The following APOOL variants were observed in gnomAD, a reference collection of about 807,000 sequenced individuals.
APOOL encodes the protein apolipoprotein O like, also known as MICOS complex subunit MIC27.
A neutral mutation model predicts 23.1 loss-of-function variants in APOOL; 12 were observed. The observed-to-expected ratio is 0.52, with a 90% confidence interval of 0.33 to 0.84. APOOL has a LOEUF of 0.84. Among genes scored for constraint, APOOL ranks in the 40% least tolerant of loss-of-function variants. The pLI, the probability that APOOL is intolerant of heterozygous loss-of-function variation, is 0.02. For missense variants in APOOL, 212 were observed against 199.6 expected (o/e 1.06, Z -0.37); for synonymous variants, 77 against 69.9 (o/e 1.10, Z -0.51).
chrX:85,079,362 C>T (rs1261224956), intron 8 of APOOL, among the ~76,000 whole-genome samples: 3 of 111,645 alleles, frequency 2.7e-5, no homozygotes, highest in Admixed American at 1.9e-4. Context: ...TGGTTTTTGT[C>T]GTTGGTTCTG....
At chrX:85,019,701 C>T (rs933394838) in intron 1 of APOOL, among the ~76,000 whole-genome samples, 1 of 111,508 alleles carries the variant, frequency 9.0e-6, no homozygotes, top group Non-Finnish European at 1.9e-5. Context: ...AAGACATGGT[C>T]TTGTGCAGAT....
intron 1 of APOOL, among the ~76,000 whole-genome samples, chrX:85,031,386 G>A (rs1346017914): frequency 9.0e-6 from 1 of 111,114 alleles, no homozygotes; most frequent in Non-Finnish European, 1.9e-5. Context: ...TTGGATATGA[G>A]AGGTCTAAGA....
At chrX:85,065,063 T>C (rs1172903251) in intron 5 of APOOL, among the ~76,000 whole-genome samples, 4 of 111,947 alleles carry the variant, frequency 3.6e-5, no homozygotes, top group African/African-American at 1.3e-4. Context: ...TGGGTGTTCC[T>C]GTATTGAGTA....
rs776446086 is a variant in APOOL, at chrX:85,088,222, A to G, written c.*544A>G. ...TACATATATATGTATAAATACATACATATTTATACATATAAACATATATTT... is the reference window on the plus strand; with the variant it reads ...TACATATATATGTATAAATACATACGTATTTATACATATAAACATATATTT... On this transcript the variant is annotated 3_prime_UTR_variant, in exon 9 of 9. Transcript: ENST00000373173. 7.9e-3 allele frequency: 717 copies of G among 90,198 alleles called. 45 individuals carry two copies. The highest frequency in any genetic ancestry group is 0.028 in the African/African-American group (668 of 24,228). 7.4% of individuals were successfully genotyped at this position (90,198 alleles called of 1,213,427 possible).
At chrX:85,015,542 ATATT>A (rs150837249) in intron 1 of APOOL, among the ~76,000 whole-genome samples, 7,045 of 98,912 alleles carry the variant, frequency 0.071, 540 homozygotes, top group African/African-American at 0.19. Flanking sequence ...TCGGACTTTA[ATATT>A]TATTTATTTA....
intron 1 of APOOL, among the ~76,000 whole-genome samples, chrX:85,008,250 C>T (rs1921144302): frequency 9.0e-6 from 1 of 111,394 alleles, no homozygotes; most frequent in East Asian, 2.8e-4. Flanking sequence ...TATCACTTCA[C>T]CATGCTGTGT....
chrX:85,092,661 G>A lies in APOOL; in HGVS notation c.*4983G>A. The A allele has an allele frequency of 3.9e-6, 3 of 763,001 alleles. No homozygotes were observed. In the South Asian group the frequency reaches 1.1e-4, roughly 27 times the overall value. The allele number at this position is 763,001 out of a possible 1,213,427, so 62.9% of individuals were successfully genotyped here. On this transcript the variant is annotated 3_prime_UTR_variant, in exon 9 of 9. Transcript: ENST00000373173. The stretch of plus-strand genomic sequence containing the variant: ...AGGTCTACTCTATGCAAGACACTAT[G>A]TGTGAATAATACTTCCAAATATAGT...
intron 8 of APOOL, among the ~76,000 whole-genome samples, chrX:85,080,717 T>A (rs1401330729): frequency 3.6e-5 from 4 of 111,382 alleles, no homozygotes; most frequent in Admixed American, 9.6e-5. Flanking sequence ...TATTATTGTG[T>A]GGGAGTCTAA....
At position 85,088,316 on chromosome X, in the gene APOOL, GTTTTTTTTTTTT is replaced by G. The variant is rs766497759; in HGVS notation, c.*656_*667del. On this transcript the variant is annotated 3_prime_UTR_variant, in exon 9 of 9. Transcript: ENST00000373173. ...TGTATGGAAAGGTGTGTTTCCCTCT[GTTTTTTTTTTTT>G]TTTTTTTTTTTTTTTTTCCCATTTC... 351 of 22,530 alleles carry G rather than the reference GTTTTTTTTTTTT, an allele frequency of 0.016. 12 individuals are homozygous for G. The highest frequency in any genetic ancestry group is 0.052 in the African/African-American group (335 of 6,406). 1.9% of individuals were successfully genotyped at this position (22,530 alleles called of 1,213,427 possible).
intron 6 of APOOL, among the ~76,000 whole-genome samples, chrX:85,073,010 G>A (rs889369736): frequency 9.0e-6 from 1 of 110,741 alleles, no homozygotes; most frequent in African/African-American, 3.3e-5. Flanking sequence ...TATTACATTT[G>A]TTTTAAAATT....
intron 1 of APOOL, among the ~76,000 whole-genome samples, chrX:85,006,335 A>ATGGAAAAACGGAGGCT (rs1394291919): frequency 3.2e-4 from 7 of 22,084 alleles, no homozygotes; most frequent in African/African-American, 7.7e-4. Context: ...CATTTTACAG[A>ATGGAAAAACGGAGGCT]TGGAAAAACG....
At chrX:85,086,884 A>G (rs1924320699) in intron 8 of APOOL, among the ~76,000 whole-genome samples, 1 of 101,974 alleles carries the variant, frequency 9.8e-6, no homozygotes, top group Admixed American at 1.1e-4. Context: ...TATTTTTAGT[A>G]GAAACGGGGT....
intron 2 of APOOL, among the ~76,000 whole-genome samples, chrX:85,049,816 A>C: frequency 9.0e-6 from 1 of 111,121 alleles, no homozygotes; most frequent in Non-Finnish European, 1.9e-5. Context: ...AAAACAACTT[A>C]ATCAGCAGGT....
intron 1 of APOOL, among the ~76,000 whole-genome samples, chrX:85,006,695 G>A (rs764796107): frequency 2.7e-5 from 3 of 111,844 alleles, no homozygotes; most frequent in East Asian, 2.8e-4. Flanking sequence ...TATTGACTAC[G>A]TGCTAGGAAT....
At position 85,079,732 on chromosome X, in the gene APOOL, G is replaced by T. The variant is rs1003113831; in HGVS notation, c.718+5341G>T. On this transcript the variant is annotated intron_variant, in intron 8 of 8. Coordinates refer to ENST00000373173, the MANE Select transcript of APOOL (RefSeq NM_198450.6). ...AACTGTCTGGTCCTGTACTTTTTTT[G>T]GTTGGTAGGCTATTAATTATTGCCT... Among the ~76,000 whole-genome samples the T allele has an allele frequency of 2.7e-5, 3 of 111,075 alleles. No individual in the cohort carries two copies. In the Admixed American group the frequency reaches 2.9e-4, roughly 11 times the overall value.
rs1235029175 is a variant in APOOL, at chrX:85,092,642, A to G, written c.*4964A>G. 1.1e-6 allele frequency: 1 copy of G among 891,716 alleles called. No individual in the cohort carries two copies. Among genetic ancestry groups the G allele is most frequent in the Non-Finnish European group, 1.6e-6 (1 of 642,524 alleles). 73.5% of individuals were successfully genotyped at this position (891,716 alleles called of 1,213,427 possible). On this transcript the variant is annotated 3_prime_UTR_variant, in exon 9 of 9. Transcript: ENST00000373173. ...AACACATATATTTTATTGAAGGTCT[A>G]CTCTATGCAAGACACTATGTGTGAA...
chrX:85,079,551 C>CT (rs745962032), intron 8 of APOOL, among the ~76,000 whole-genome samples: 2,636 of 111,217 alleles, frequency 0.024, 72 homozygotes, highest in African/African-American at 0.08. Flanking sequence ...CTAAAATTCT[C>CT]TTTTTTTGTT....
At chrX:85,026,684 C>T (rs758272919) in intron 1 of APOOL, among the ~76,000 whole-genome samples, 3 of 111,655 alleles carry the variant, frequency 2.7e-5, no homozygotes, top group Non-Finnish European at 5.6e-5. Flanking sequence ...GTCATCAGAT[C>T]CCTAGGACAT....
chrX:85,055,140 T>G (rs938786799), intron 4 of APOOL, among the ~76,000 whole-genome samples: 1 of 111,979 alleles, frequency 8.9e-6, no homozygotes, highest in Non-Finnish European at 1.9e-5. Context: ...TTTAATGTAT[T>G]AGGAATAAAT....
Sources: allele counts gnomAD v4.1 joint callset (sites outside exome capture counted in the v4.1 genomes callset), GRCh38; gene constraint gnomAD v4.1.1; transcripts MANE v1.5; gene names NCBI Gene and HGNC (gene_info 2026-07-23, HGNC 2026-07-21).